Variants in AKT3 observed in about 807,000 individuals in gnomAD.
AKT3 encodes the protein AKT serine/threonine kinase 3, also known as RAC-gamma serine/threonine-protein kinase.
Under a neutral mutation model 65.3 loss-of-function variants are expected in AKT3, and 15 were observed. That is an observed-to-expected ratio of 0.23 (90% CI 0.15 to 0.35). The LOEUF (loss-of-function observed/expected upper bound fraction) is 0.35, where lower values mean the gene tolerates loss of function less well. Among genes scored for constraint, AKT3 ranks in the 10% least tolerant of loss-of-function variants. The pLI is 1.00. For missense variants in AKT3, 243 were observed against 576.5 expected (o/e 0.42, Z 5.92); for synonymous variants, 206 against 183.8 (o/e 1.12, Z -0.98).
chr1:243,572,804 C>T (rs916104885), intron 9 of AKT3, 122 bp downstream of exon 9: 13 of 1,090,038 alleles, frequency 1.2e-5, no homozygotes, highest in Non-Finnish European at 1.4e-5. Flanking sequence ...AATTTTTAAA[C>T]ATAGTGCTTT....
rs181983727 is a variant in AKT3, at chr1:243,644,330, T to G, written c.429+1563A>C. On this transcript the variant is annotated intron_variant, in intron 5 of 13. Transcript: ENST00000673466. ...TTCAATTGATAATAAAGCTTGTAAA[T>G]TCTTGAAAAAACCAGTAGAACTTTA... is the stretch of plus-strand genomic sequence containing the variant. 5.2e-3 allele frequency among the ~76,000 whole-genome samples: 785 copies of G among 152,272 alleles called. 13 individuals are homozygous for G. Among genetic ancestry groups the G allele is most frequent in the Middle Eastern group, 6.8e-3 (2 of 294 alleles).
intron 2 of AKT3, among the ~76,000 whole-genome samples, chr1:243,780,726 T>C (rs916906087): frequency 1.3e-5 from 2 of 151,910 alleles, no homozygotes; most frequent in African/African-American, 4.8e-5. Flanking sequence ...ACTTTGTAAT[T>C]GTTCTAACTT....
At chr1:243,797,935 T>C (rs577320652) in intron 2 of AKT3, among the ~76,000 whole-genome samples, 60 of 147,550 alleles carry the variant, frequency 4.1e-4, no homozygotes, top group African/African-American at 1.3e-3. Flanking sequence ...CAGGCTGGAG[T>C]GCAGTGGTGT....
chr1:243,685,373 T>C (rs1202417530), intron 3 of AKT3, among the ~76,000 whole-genome samples: 1 of 152,128 alleles, frequency 6.6e-6, no homozygotes, highest in Non-Finnish European at 1.5e-5. Context: ...AAGGAAGGGG[T>C]CCAGTTTCAG....
chr1:243,636,886 T>C (rs146015172), intron 6 of AKT3, among the ~76,000 whole-genome samples: 7 of 152,210 alleles, frequency 4.6e-5, no homozygotes, highest in Non-Finnish European at 1.0e-4. Context: ...GAAACAAAGT[T>C]TCACAAAGTG....
intron 11 of AKT3, 147 bp downstream of exon 11, chr1:243,552,582 G>T: frequency 1.4e-6 from 1 of 717,418 alleles, no homozygotes; most frequent in Admixed American, 2.8e-5. Context: ...TCTATATTAT[G>T]CAGTTAAAAA....
chr1:243,632,701 G>A (rs113717243), intron 6 of AKT3, among the ~76,000 whole-genome samples: 9 of 152,184 alleles, frequency 5.9e-5, no homozygotes, highest in Non-Finnish European at 1.2e-4. Context: ...CTGTGGTTTC[G>A]TGTAGTCATC....
chr1:243,812,867 T>G (rs540220118), intron 2 of AKT3, among the ~76,000 whole-genome samples: 1 of 152,016 alleles, frequency 6.6e-6, no homozygotes, highest in Non-Finnish European at 1.5e-5. Flanking sequence ...ATGTCCTTTG[T>G]AGGGACATGG....
intron 2 of AKT3, among the ~76,000 whole-genome samples, chr1:243,717,692 G>A (rs979570873): frequency 6.6e-6 from 1 of 152,262 alleles, no homozygotes; most frequent in Non-Finnish European, 1.5e-5. Flanking sequence ...TATCAAAGAT[G>A]TTATAAAAGA....
intron 6 of AKT3, among the ~76,000 whole-genome samples, chr1:243,636,112 T>C (rs1386047341): frequency 6.6e-6 from 1 of 151,892 alleles, no homozygotes; most frequent in Non-Finnish European, 1.5e-5. Flanking sequence ...GAGGCTAATA[T>C]ATAAAAGAAA....
intron 6 of AKT3, among the ~76,000 whole-genome samples, chr1:243,621,822 C>T (rs1232423245): frequency 1.3e-5 from 2 of 152,032 alleles, no homozygotes; most frequent in South Asian, 2.1e-4. Context: ...TTTTTTCCCA[C>T]TCATACTCTA....
At chr1:243,631,852 A>G (rs1000684039) in intron 6 of AKT3, among the ~76,000 whole-genome samples, 5 of 152,214 alleles carry the variant, frequency 3.3e-5, no homozygotes, top group Non-Finnish European at 7.4e-5. Context: ...TTGCTCATCC[A>G]TAAGAAGCAA....
At chr1:243,818,859 G>A (rs558741281) in intron 2 of AKT3, among the ~76,000 whole-genome samples, 43 of 152,158 alleles carry the variant, frequency 2.8e-4, no homozygotes, top group Non-Finnish European at 4.6e-4. Context: ...CAGTTGGCGC[G>A]ACCTATGGAG....
At chr1:243,692,852 T>A (rs762783606) in intron 3 of AKT3, among the ~76,000 whole-genome samples, 40 of 152,120 alleles carry the variant, frequency 2.6e-4, no homozygotes, top group Non-Finnish European at 4.3e-4. Flanking sequence ...CCTTTTGTTA[T>A]AGGAGCCTCA....
intron 3 of AKT3, among the ~76,000 whole-genome samples, chr1:243,686,646 TATATA>T (rs199845269): frequency 6.8e-4 from 19 of 28,136 alleles, no homozygotes; most frequent in Non-Finnish European, 1.2e-3. Context: ...TATATATATA[TATATA>T]TTTTTTTTTT....
chr1:243,805,276 C>T (rs1187170227), intron 2 of AKT3, among the ~76,000 whole-genome samples: 1 of 152,116 alleles, frequency 6.6e-6, no homozygotes, highest in Non-Finnish European at 1.5e-5. Flanking sequence ...GAGTTTGCCT[C>T]TCCTCCTTTC....
Position 243,691,547 on chromosome 1 carries a change from T to C in AKT3, c.172+4044A>G, listed in dbSNP as rs188651525. Among the ~76,000 whole-genome samples the C allele has an allele frequency of 3.3e-4, 50 of 152,036 alleles. No individual in the cohort carries two copies. In the East Asian group the frequency reaches 6.6e-3, roughly 20 times the overall value. On this transcript the variant is annotated intron_variant, in intron 3 of 13. Coordinates refer to ENST00000673466, the MANE Select transcript of AKT3 (RefSeq NM_005465.7). ...CTGGGGTGATTATAGAAAAGGATCATAGGTTCAAGAAATATGCAGAATCAG... is the reference window on the plus strand; with the variant it reads ...CTGGGGTGATTATAGAAAAGGATCACAGGTTCAAGAAATATGCAGAATCAG...
chr1:243,548,251 G>C (rs944496220), intron 11 of AKT3: 3 of 152,148 alleles, frequency 2.0e-5, no homozygotes, highest in Admixed American at 6.5e-5. Flanking sequence ...TTTCAATACT[G>C]TTTTCATTTG....
chr1:243,838,531 A>C, intron 2 of AKT3, among the ~76,000 whole-genome samples: 1 of 152,212 alleles, frequency 6.6e-6, no homozygotes, highest in African/African-American at 2.4e-5. Context: ...AGGAGAAGAA[A>C]AGACCCCTGG....
Sources: allele counts gnomAD v4.1 joint callset (sites outside exome capture counted in the v4.1 genomes callset), GRCh38; gene constraint gnomAD v4.1.1; transcripts MANE v1.5; gene names NCBI Gene and HGNC (gene_info 2026-07-23, HGNC 2026-07-21).